Variants in FGF8 observed in about 807,000 individuals in gnomAD.
The protein encoded by FGF8 is androgen-induced growth factor.
Under a neutral mutation model 29.7 loss-of-function variants are expected in FGF8, and 12 were observed. That is an observed-to-expected ratio of 0.40 (90% CI 0.26 to 0.65). The LOEUF (loss-of-function observed/expected upper bound fraction) is 0.65. Among genes scored for constraint, FGF8 ranks in the 30% least tolerant of loss-of-function variants. The pLI is 0.37. For synonymous variants in FGF8, 157 were observed against 144.4 expected, an observed-to-expected ratio of 1.09 and a Z score of -0.63; for missense variants, 271 against 345.1, an observed-to-expected ratio of 0.79 and a Z score of 1.70.
chr10:101,775,437 G>A lies in FGF8; in HGVS notation c.70-221C>T, dbSNP rs2065076050. On this transcript the variant is annotated intron_variant, in intron 2 of 5. Transcript: ENST00000320185. This position sits in a 1 kb window ranked among gnomAD's most constrained non-coding sequence, Gnocchi z 4.6. ...GAACATCCATCCCCTGGCCGCGGCT[G>A]CCCCCTTCCTCGGCGGCTGGGTGTT... 6.6e-6 allele frequency: 4 copies of A among 603,416 alleles called. No homozygotes were observed. In the East Asian group the frequency reaches 1.1e-4, roughly 17 times the overall value. 37.4% of individuals were successfully genotyped at this position (603,416 alleles called of 1,614,324 possible).
chr10:101,770,380 G>A lies in FGF8; in HGVS notation c.684C>T (p.Phe228=). The change falls in exon 6 of 6, where the codon TTC becomes TTT. Residue 228 remains phenylalanine (F), a synonymous_variant. Transcript: ENST00000320185. ...TCTGGCTGCCGCGCAGGCTGCGCGTGAAGGGCGGGTAGTTGAGGAACTCGA... is the reference window on the plus strand; with the variant it reads ...TCTGGCTGCCGCGCAGGCTGCGCGTAAAGGGCGGGTAGTTGAGGAACTCGA... ...LRFEFLNYPP[F]TRSLRGSQRT... The A allele has an allele frequency of 6.2e-7, 1 of 1,603,946 alleles. No homozygotes were observed. Among genetic ancestry groups the A allele is most frequent in the East Asian group, 2.3e-5 (1 of 44,444 alleles).
At chr10:101,780,154 A>G (rs1367323420), upstream of FGF8, 1 of 152,252 alleles carries the variant, frequency 6.6e-6, no homozygotes, top group African/African-American at 2.4e-5. Context: ...CGGGCTCCCC[A>G]GGGAAGCATT....
chr10:101,777,649 G>A (rs368575997), upstream of FGF8, among the ~76,000 whole-genome samples: 1 of 152,264 alleles, frequency 6.6e-6, no homozygotes, highest in African/African-American at 2.4e-5. Flanking sequence ...AGTCTGTTCA[G>A]TGGGCTCTTG....
chr10:101,774,750 C>T lies in FGF8; in HGVS notation c.319G>A (p.Glu107Lys), dbSNP rs1278519475. ...GCCTTACCGAAGGGGTCGCCGTCCTCTGCCATGGCGTTGATGCGCTTGTTG... is the reference window on the plus strand; with the variant it reads ...GCCTTACCGAAGGGGTCGCCGTCCTTTGCCATGGCGTTGATGCGCTTGTTG... ...LANKRINAMA[E>K]DGDPFAKLIV... Residue 107 changes from glutamate to lysine, a missense_variant, in exon 4 of 6, where the codon GAG (glutamate) becomes AAG (lysine). By Grantham distance (56) the Glu-to-Lys change is moderately conservative. This residue lies in a region of FGF8 where 168 missense variants were observed against 207.0 expected (regional missense o/e 0.81). Coordinates refer to ENST00000320185, the MANE Select transcript of FGF8 (RefSeq NM_033163.5). 6.2e-7 allele frequency: 1 copy of T among 1,606,706 alleles called. No individual in the cohort carries two copies. Among genetic ancestry groups the T allele is most frequent in the Non-Finnish European group, 8.5e-7 (1 of 1,179,850 alleles).
chr10:101,778,785 C>G (rs549005048), upstream of FGF8, among the ~76,000 whole-genome samples: 2 of 152,226 alleles, frequency 1.3e-5, no homozygotes, highest in African/African-American at 4.8e-5. Flanking sequence ...TCCCGCCGGG[C>G]CCCCGCAGGC....
At chr10:101,778,128 A>C (rs953732115), upstream of FGF8, among the ~76,000 whole-genome samples, 2 of 152,350 alleles carry the variant, frequency 1.3e-5, no homozygotes, top group South Asian at 4.1e-4. Flanking sequence ...TCTTACCCTC[A>C]TCCTTGTACA....
chr10:101,778,627 C>T (rs1226784118), upstream of FGF8, among the ~76,000 whole-genome samples: 1 of 152,250 alleles, frequency 6.6e-6, no homozygotes, highest in African/African-American at 2.4e-5. Flanking sequence ...TTTGGAGACC[C>T]TCCTGAGAAG....
upstream of FGF8, among the ~76,000 whole-genome samples, chr10:101,779,620 AC>A (rs1166989736): frequency 6.9e-6 from 1 of 144,428 alleles, no homozygotes; most frequent in East Asian, 2.2e-4. The surrounding 1 kb of genome is among the most constrained non-coding windows in gnomAD (Gnocchi z 5.7). Context: ...CGGGAGACCT[AC>A]CCGGAAAACC....
upstream of FGF8, among the ~76,000 whole-genome samples, chr10:101,780,086 C>T (rs1042547594): frequency 1.3e-5 from 2 of 152,242 alleles, no homozygotes; most frequent in South Asian, 2.1e-4. Flanking sequence ...ACTTCCCTCT[C>T]CCTGCCGACC....
chr10:101,771,474 G>C lies in FGF8; in HGVS notation c.433C>G (p.Leu145Val). Residue 145 changes from leucine (L) to valine (V), a missense_variant, in exon 5 of 6, where the codon CTG becomes GTG. Leu to Val is a conservative substitution (Grantham distance 32). This residue lies in a region of FGF8 where 168 missense variants were observed against 207.0 expected (regional missense o/e 0.81). Transcript: ENST00000320185. The surrounding 1 kb of genome is among the most constrained non-coding windows in gnomAD (Gnocchi z 5.3). ...LYICMNKKGK[L>V]IAKSNGKGKD... is the part of the protein sequence containing the mutation. ...TGCTGGGGCCTCACCTTGGCGATCA[G>C]CTTCCCCTTCTTGTTCATGCAGATG... is the stretch of plus-strand genomic sequence containing the variant. The C allele has an allele frequency of 1.2e-6, 2 of 1,613,990 alleles. No homozygotes were observed. Among genetic ancestry groups the C allele is most frequent in the Non-Finnish European group, 1.7e-6 (2 of 1,179,848 alleles).
At chr10:101,779,207 C>T (rs1009816069), upstream of FGF8, among the ~76,000 whole-genome samples, 3 of 152,182 alleles carry the variant, frequency 2.0e-5, no homozygotes, top group East Asian at 3.9e-4. This position sits in a 1 kb window ranked among gnomAD's most constrained non-coding sequence, Gnocchi z 5.7. Flanking sequence ...CTCGCTCCGA[C>T]GCGCGCTTCC....
rs1564631020 is a variant in FGF8 at position 101,771,581 on chromosome 10, G to C, written c.338-12C>G. 6 of 1,610,908 alleles carry C rather than the reference G, an allele frequency of 3.7e-6. No individual in the cohort carries two copies. The highest frequency in any genetic ancestry group is 5.1e-6 in the Non-Finnish European group (6 of 1,177,134). On this transcript the variant is annotated splice_polypyrimidine_tract_variant and intron_variant, in intron 4 of 5. Coordinates refer to ENST00000320185, the MANE Select transcript of FGF8 (RefSeq NM_033163.5). The surrounding 1 kb of genome is among the most constrained non-coding windows in gnomAD (Gnocchi z 5.3). ...CACGATGAGCTTTGCTGTCAGAGAA[G>C]GTAGCAGGATGGCTATTGGCAGATC...
chr10:101,774,508 T>A (rs1250166272), intron 4 of FGF8, among the ~76,000 whole-genome samples: 1 of 151,990 alleles, frequency 6.6e-6, no homozygotes, highest in African/African-American at 2.4e-5. Flanking sequence ...TAAAGGGAGA[T>A]TCCTAGATTC....
rs1453654689 is a variant in FGF8, at chr10:101,772,610, G to A, written c.338-1041C>T. Among the ~76,000 whole-genome samples, 4 of 152,158 alleles carry A rather than the reference G, an allele frequency of 2.6e-5. No individual in the cohort carries two copies. The highest frequency in any genetic ancestry group is 6.5e-5 in the Admixed American group (1 of 15,278). On this transcript the variant is annotated intron_variant, in intron 4 of 5. Coordinates refer to ENST00000320185, the MANE Select transcript of FGF8 (RefSeq NM_033163.5). This position sits in a 1 kb window ranked among gnomAD's most constrained non-coding sequence, Gnocchi z 4.4. ...CGCTGGCTCTCCTGCCGTCCCTGCC[G>A]CAGAGCCCAGCCTCTCCCCTCCCTG...
In FGF8 at chr10:101,770,503, C is replaced by T. The variant is rs2065007310; in HGVS notation, c.561G>A (p.Arg187=). ...GWYMAFTRKG[R]PRKGSKTRQH... ...GCCGCGTCTTGGAGCCCTTGCGGGG[C>T]CGGCCCTTGCGGGTGAAGGCCATGT... Residue 187 remains arginine (R), a synonymous_variant, in exon 6 of 6, where the codon CGG becomes CGA. Transcript: ENST00000320185. 1.2e-6 allele frequency: 2 copies of T among 1,613,672 alleles called. No homozygotes were observed. Among genetic ancestry groups the T allele is most frequent in the Non-Finnish European group, 1.7e-6 (2 of 1,179,956 alleles).
At position 101,770,515 on chromosome 10, in the gene FGF8, G is replaced by T; in HGVS notation, c.549C>A (p.Thr183=). 6.2e-7 allele frequency: 1 copy of T among 1,613,720 alleles called. No homozygotes were observed. The highest frequency in any genetic ancestry group is 1.1e-5 in the South Asian group (1 of 91,090). The change falls in exon 6 of 6, where the codon ACC becomes ACA. Residue 183 remains threonine, a synonymous_variant. Transcript: ENST00000320185. ...AGCCCTTGCGGGGCCGGCCCTTGCG[G>T]GTGAAGGCCATGTACCAGCCCTCGT... ...AKYEGWYMAF[T]RKGRPRKGSK...
In FGF8 at chr10:101,771,337, C is replaced by A; in HGVS notation, c.444+126G>T. The A allele has an allele frequency of 1.4e-6, 1 of 740,132 alleles. No homozygotes were observed. Among genetic ancestry groups the A allele is most frequent in the Non-Finnish European group, 2.4e-6 (1 of 409,684 alleles). The allele number at this position is 740,132 out of a possible 1,614,324, so 45.8% of individuals were successfully genotyped here. A position where few individuals can be genotyped will look rare whatever the true frequency, so the allele number is the denominator to read the frequency against. ...CCTGCACCCAATCGTGAGGTAACCC[C>A]AAGATGGCCCTGTGGCCTTCTGCCT... On this transcript the variant is annotated intron_variant, in intron 5 of 5. Coordinates refer to ENST00000320185, the MANE Select transcript of FGF8 (RefSeq NM_033163.5). The surrounding 1 kb of genome is among the most constrained non-coding windows in gnomAD (Gnocchi z 5.3).
chr10:101,776,391 G>C (rs1411036089), upstream of FGF8, among the ~76,000 whole-genome samples: 1 of 151,012 alleles, frequency 6.6e-6, no homozygotes, highest in Non-Finnish European at 1.5e-5. Flanking sequence ...GGGGGCGGCC[G>C]GTCTGGGCGC....
rs999275082 is a variant in FGF8 at position 101,775,438 on chromosome 10, C to T, written c.70-222G>A. The stretch of plus-strand genomic sequence containing the variant: ...AACATCCATCCCCTGGCCGCGGCTG[C>T]CCCCTTCCTCGGCGGCTGGGTGTTC... On this transcript the variant is annotated intron_variant, in intron 2 of 5. Transcript: ENST00000320185. This position sits in a 1 kb window ranked among gnomAD's most constrained non-coding sequence, Gnocchi z 4.6. The T allele has an allele frequency of 8.3e-6, 5 of 603,804 alleles. No homozygotes were observed. Among genetic ancestry groups the T allele is most frequent in the African/African-American group, 3.7e-5 (2 of 53,930 alleles). The allele number at this position is 603,804 out of a possible 1,614,324, so 37.4% of individuals were successfully genotyped here.
Sources: gnomAD v4.1 joint callset for allele counts (sites outside exome capture counted in the v4.1 genomes callset) on GRCh38, gnomAD v4.1.1 for gene constraint, gnomAD v4.1.1 regional missense constraint, Gnocchi (gnomAD v3.1) non-coding constraint, MANE v1.5 for transcripts, NCBI Gene and HGNC (gene_info 2026-07-23, HGNC 2026-07-21) for gene names.